The following FAM228B variants were observed in gnomAD, a reference collection of about 807,000 sequenced individuals.
FAM228B encodes the protein family with sequence similarity 228 member B.
FAM228B carries 38 observed loss-of-function variants against 42.6 expected under a neutral mutation model. The observed-to-expected ratio is 0.89, with a 90% CI of 0.69 to 1.17. The LOEUF (loss-of-function observed/expected upper bound fraction) is 1.17. Ranked by LOEUF, FAM228B falls within the 50% of genes most tolerant of loss-of-function variation. FAM228B has a pLI of 0.00. For missense variants in FAM228B, 344 were observed against 367.3 expected, an observed-to-expected ratio of 0.94 and a Z score of 0.52; for synonymous variants, 109 against 122.3, an observed-to-expected ratio of 0.89 and a Z score of 0.72.
intron 3 of FAM228B, among the ~76,000 whole-genome samples, chr2:24,099,901 G>A (rs1489866838): frequency 6.6e-6 from 1 of 152,252 alleles, no homozygotes; most frequent in African/African-American, 2.4e-5. Context: ...AAACAGCACG[G>A]TACTGGTACC....
upstream of FAM228B, among the ~76,000 whole-genome samples, chr2:24,118,753 T>C (rs910977434): frequency 7.2e-5 from 11 of 152,308 alleles, no homozygotes; most frequent in African/African-American, 2.4e-4. Flanking sequence ...GCAGAAGCTA[T>C]ATCTTAACCA....
At chr2:24,111,091 C>G (rs951010362) in intron 3 of FAM228B, among the ~76,000 whole-genome samples, 1 of 151,864 alleles carries the variant, frequency 6.6e-6, no homozygotes, top group East Asian at 1.9e-4. Flanking sequence ...AACAGAGTCT[C>G]GCCGTGTCAC....
intron 9 of FAM228B, 48 bp from the exon 10 acceptor site, chr2:24,167,579 G>T: frequency 6.5e-7 from 1 of 1,550,328 alleles, no homozygotes; most frequent in Non-Finnish European, 8.7e-7. Context: ...TAACTAATAT[G>T]GCCAGTCTCG....
chr2:24,138,058 G>A lies in FAM228B; in HGVS notation c.318G>A (p.Arg106=). The A allele has an allele frequency of 2.6e-6, 4 of 1,539,332 alleles. No homozygotes were observed. The highest frequency in any genetic ancestry group is 3.5e-6 in the Non-Finnish European group (4 of 1,144,274). ...CACATAAGAAGATTAAAAAAAGGAGGCAAGGGGAATTAGATGGCTTTTTAA... is the reference window on the plus strand; with the variant it reads ...CACATAAGAAGATTAAAAAAAGGAGACAAGGGGAATTAGATGGCTTTTTAA... The part of the protein sequence containing the change: ...VCSHKKIKKR[R]QGELDGFLKH... Residue 106 remains arginine, a synonymous_variant, in exon 4 of 11, where the codon AGG becomes AGA. Transcript: ENST00000615575.
chr2:24,135,118 G>A lies in FAM228B; in HGVS notation c.100-1G>A. 6.7e-7 allele frequency: 1 copy of A among 1,485,530 alleles called. No individual in the cohort carries two copies. The highest frequency in any genetic ancestry group is 9.1e-7 in the Non-Finnish European group (1 of 1,097,308). The allele number at this position is 1,485,530 out of a possible 1,614,324, so 92.0% of individuals were successfully genotyped here. Reference sequence around the variant, plus strand: ...TTCAAAGTTTAATTCTGTCCTTTCAGGTTTTAGCTAAAGAAGATACTGAGG... The same window carrying A: ...TTCAAAGTTTAATTCTGTCCTTTCAAGTTTTAGCTAAAGAAGATACTGAGG... On this transcript the variant is annotated splice_acceptor_variant, in intron 2 of 10. Transcript: ENST00000615575. LOFTEE classifies it high-confidence loss of function.
chr2:24,113,151 C>G (rs1665826244), intron 3 of FAM228B, among the ~76,000 whole-genome samples: 1 of 152,100 alleles, frequency 6.6e-6, no homozygotes, highest in Non-Finnish European at 1.5e-5. Flanking sequence ...CTACCTAGCA[C>G]AAAGCCGACT....
intron 3 of FAM228B, among the ~76,000 whole-genome samples, chr2:24,108,698 G>A (rs576760305): frequency 8.5e-5 from 13 of 152,058 alleles, no homozygotes; most frequent in Non-Finnish European, 1.6e-4. Flanking sequence ...TCATGAGATC[G>A]AGACCATCCT....
chr2:24,157,888 G>A (rs370069849), intron 7 of FAM228B, among the ~76,000 whole-genome samples: 1 of 152,210 alleles, frequency 6.6e-6, no homozygotes. Context: ...TAGCCATAAG[G>A]CAGTAGATTC....
At chr2:24,105,698 CAAG>C (rs1665686407) in intron 3 of FAM228B, among the ~76,000 whole-genome samples, 1 of 152,120 alleles carries the variant, frequency 6.6e-6, no homozygotes, top group Non-Finnish European at 1.5e-5. Flanking sequence ...AAACCCAATC[CAAG>C]GAAGCTAATA....
chr2:24,133,258 T>G (rs1222132452), intron 2 of FAM228B, among the ~76,000 whole-genome samples: 2 of 151,840 alleles, frequency 1.3e-5, no homozygotes, highest in East Asian at 1.9e-4. Flanking sequence ...CAGGTTGTTG[T>G]TTTTTATATT....
intron 9 of FAM228B, among the ~76,000 whole-genome samples, chr2:24,167,136 T>C (rs1667438346): frequency 6.6e-6 from 1 of 152,202 alleles, no homozygotes; most frequent in Non-Finnish European, 1.5e-5. Context: ...AAGCAACTGC[T>C]GATGCTGGAG....
chr2:24,155,741 G>A (rs558634561), intron 7 of FAM228B, among the ~76,000 whole-genome samples: 105 of 151,432 alleles, frequency 6.9e-4, no homozygotes, highest in African/African-American at 2.3e-3. Flanking sequence ...GGGTTTCACC[G>A]TGTTGGCCAG....
At chr2:24,104,982 G>T (rs1665676250) in intron 3 of FAM228B, among the ~76,000 whole-genome samples, 1 of 136,114 alleles carries the variant, frequency 7.3e-6, no homozygotes, top group African/African-American at 2.6e-5. Flanking sequence ...AGCCACACCT[G>T]CCAGAGCTGG....
intron 7 of FAM228B, among the ~76,000 whole-genome samples, chr2:24,151,721 C>G (rs1667027819): frequency 6.7e-6 from 1 of 149,884 alleles, no homozygotes; most frequent in Non-Finnish European, 1.5e-5. Flanking sequence ...CTTGCTCTGT[C>G]CCCCAGGCTG....
At chr2:24,097,371 C>T (rs1264964557) in intron 3 of FAM228B, 2 of 146,154 alleles carry the variant, frequency 1.4e-5, no homozygotes, top group African/African-American at 5.1e-5. Context: ...GTGCTGTATT[C>T]AGGAGACCCA....
chr2:24,167,764 G>A (rs1667461716), intron 10 of FAM228B, 81 bp downstream of exon 10: 1 of 1,489,324 alleles, frequency 6.7e-7, no homozygotes, highest in Non-Finnish European at 9.1e-7. Context: ...GATATCTTCA[G>A]AGTCCACAGT....
At chr2:24,141,778 A>G (rs938457389) in intron 5 of FAM228B, among the ~76,000 whole-genome samples, 3 of 152,218 alleles carry the variant, frequency 2.0e-5, no homozygotes, top group Non-Finnish European at 4.4e-5. Flanking sequence ...CAAATCAGTG[A>G]GAAGTCCAAT....
At chr2:24,117,879 T>C (rs1665975896) in intron 3 of FAM228B, among the ~76,000 whole-genome samples, 1 of 152,222 alleles carries the variant, frequency 6.6e-6, no homozygotes, top group Non-Finnish European at 1.5e-5. Context: ...ATATCAGCCT[T>C]GTCCATCCTT....
At chr2:24,093,528 T>C (rs1341100275) in intron 2 of FAM228B, among the ~76,000 whole-genome samples, 3 of 152,196 alleles carry the variant, frequency 2.0e-5, no homozygotes, top group Non-Finnish European at 2.9e-5. Flanking sequence ...ATATGTATCA[T>C]ATTTTCTTTA....
Sources: allele counts gnomAD v4.1 joint callset (sites outside exome capture counted in the v4.1 genomes callset), GRCh38; gene constraint gnomAD v4.1.1; transcripts MANE v1.5; gene names NCBI Gene and HGNC (gene_info 2026-07-23, HGNC 2026-07-21).